RBFOX1: variants seen among roughly 807,000 people sequenced by gnomAD.
The protein encoded by RBFOX1 is RNA binding protein fox-1 homolog 1.
Under a neutral mutation model 57.7 loss-of-function variants are expected in RBFOX1, and 8 were observed. The ratio of observed to expected loss-of-function variants is 0.14; its 90% CI spans 0.08 to 0.25. RBFOX1 has a LOEUF of 0.25. Ranked by LOEUF, RBFOX1 falls within the 10% of genes least tolerant of loss-of-function variation. The pLI, the probability that RBFOX1 is intolerant of heterozygous loss-of-function variation, is 1.00. For missense variants in RBFOX1, 611 were observed against 548.5 expected (o/e 1.11, Z -1.14); for synonymous variants, 326 against 222.4 (o/e 1.47, Z -4.15).
chr16:7,132,627 C>T (rs1600499252), intron 4 of RBFOX1, among the ~76,000 whole-genome samples: 1 of 150,992 alleles, frequency 6.6e-6, no homozygotes, highest in African/African-American at 2.4e-5. Context: ...ACCACACACA[C>T]ACAATGGAAT....
At chr16:7,553,317 A>G (rs766567687) in intron 5 of RBFOX1, among the ~76,000 whole-genome samples, 5 of 151,690 alleles carry the variant, frequency 3.3e-5, no homozygotes, top group Non-Finnish European at 4.4e-5. Flanking sequence ...CTAATTTTTA[A>G]AATTTTCTGT....
At chr16:5,253,969 A>G (rs1243823839) in intron 1 of RBFOX1, among the ~76,000 whole-genome samples, 14 of 143,570 alleles carry the variant, frequency 9.8e-5, no homozygotes, top group Admixed American at 2.8e-4. Flanking sequence ...TCATGACACC[A>G]GGTACCTCTC....
chr16:6,429,306 GCCAGCTCCCCAC>G (rs1264246052), intron 2 of RBFOX1, among the ~76,000 whole-genome samples: 1 of 152,210 alleles, frequency 6.6e-6, no homozygotes, highest in African/African-American at 2.4e-5. Flanking sequence ...TGGGATCTTT[GCCAGCTCCCCAC>G]CACTGCTGCT....
At chr16:6,720,276 T>G (rs148002149) in intron 3 of RBFOX1, among the ~76,000 whole-genome samples, 2 of 152,138 alleles carry the variant, frequency 1.3e-5, no homozygotes, top group Non-Finnish European at 2.9e-5. Context: ...TCTTCCCCCT[T>G]CACTCTTTTT....
chr16:7,659,061 T>C lies in RBFOX1; in HGVS notation c.890+5114T>C, dbSNP rs549489050. On this transcript the variant is annotated intron_variant, in intron 12 of 15. Coordinates refer to ENST00000550418, the MANE Select transcript of RBFOX1 (RefSeq NM_018723.4). Reference sequence around the variant, plus strand: ...TATTATTCTAAGCCTAAGCATCTAGTGTCAGCTGTAGGCTTTTGGTCTTGT... The same window carrying C: ...TATTATTCTAAGCCTAAGCATCTAGCGTCAGCTGTAGGCTTTTGGTCTTGT... 3.9e-5 allele frequency among the ~76,000 whole-genome samples: 6 copies of C among 152,322 alleles called. No homozygotes were observed. In the South Asian group the frequency reaches 1.0e-3, roughly 26 times the overall value.
chr16:7,129,432 T>C (rs954688306), intron 4 of RBFOX1, among the ~76,000 whole-genome samples: 1 of 152,064 alleles, frequency 6.6e-6, no homozygotes, highest in African/African-American at 2.4e-5. Context: ...GAAGAAGTAA[T>C]GGATAGAGAT....
chr16:6,072,411 A>G lies in RBFOX1; in HGVS notation c.-127+52419A>G, dbSNP rs558130882. 2.6e-5 allele frequency among the ~76,000 whole-genome samples: 4 copies of G among 152,334 alleles called. No individual in the cohort carries two copies. In the East Asian group the frequency reaches 5.8e-4, roughly 22 times the overall value. On this transcript the variant is annotated intron_variant, in intron 1 of 15. Transcript: ENST00000550418. ...ATTGTGCTTAATGCTGCAAAAAAAC[A>G]TAGGAGTGCAGATATTTCTTTGCTA...
intron 4 of RBFOX1, among the ~76,000 whole-genome samples, chr16:6,005,850 T>G (rs1182795633): frequency 1.3e-5 from 2 of 152,162 alleles, no homozygotes; most frequent in Non-Finnish European, 2.9e-5. Flanking sequence ...GGTATATGGC[T>G]CAATAGGTGA....
chr16:7,507,699 G>T (rs566262404), intron 4 of RBFOX1, among the ~76,000 whole-genome samples: 2 of 151,682 alleles, frequency 1.3e-5, no homozygotes, highest in South Asian at 4.2e-4. Context: ...AAGTAGCTGG[G>T]ACTACAGGCG....
At chr16:5,640,606 A>G (rs970342484) in intron 3 of RBFOX1, among the ~76,000 whole-genome samples, 3 of 151,842 alleles carry the variant, frequency 2.0e-5, no homozygotes, top group Admixed American at 1.3e-4. Context: ...GGATACACAC[A>G]TGCGCATACA....
chr16:5,907,767 T>A (rs74428258), intron 4 of RBFOX1, among the ~76,000 whole-genome samples: 1,585 of 134,228 alleles, frequency 0.012, 42 homozygotes, highest in African/African-American at 0.055. Flanking sequence ...CATCATCATT[T>A]GAGATGGCAT....
intron 3 of RBFOX1, among the ~76,000 whole-genome samples, chr16:6,839,611 C>G (rs894115740): frequency 3.3e-5 from 5 of 152,138 alleles, no homozygotes; most frequent in African/African-American, 1.2e-4. Context: ...TTTCGGGGAC[C>G]TTGGTAGGTA....
intron 4 of RBFOX1, among the ~76,000 whole-genome samples, chr16:7,512,202 C>T (rs2075278521): frequency 6.6e-6 from 1 of 152,194 alleles, no homozygotes; most frequent in Non-Finnish European, 1.5e-5. Flanking sequence ...TTTTGCCTGT[C>T]ACTGTCCCCT....
intron 1 of RBFOX1, among the ~76,000 whole-genome samples, chr16:6,306,004 T>C (rs2079469259): frequency 6.6e-6 from 1 of 152,076 alleles, no homozygotes. Context: ...AAACATGTGG[T>C]TTCTTTCTAG....
intron 14 of RBFOX1, among the ~76,000 whole-genome samples, chr16:7,699,002 A>G (rs1262330232): frequency 6.6e-6 from 1 of 152,210 alleles, no homozygotes; most frequent in Non-Finnish European, 1.5e-5. Context: ...AAATTCTAGA[A>G]GAATGCACCA....
chr16:6,988,978 C>T (rs1273321664), intron 3 of RBFOX1, among the ~76,000 whole-genome samples: 1 of 151,934 alleles, frequency 6.6e-6, no homozygotes, highest in Non-Finnish European at 1.5e-5. Context: ...GGCTAGGCTG[C>T]TCTTGAACTC....
At chr16:7,548,325 T>A (rs990824344) in intron 5 of RBFOX1, among the ~76,000 whole-genome samples, 18 of 152,062 alleles carry the variant, frequency 1.2e-4, no homozygotes, top group African/African-American at 4.3e-4. Flanking sequence ...TCCGGCTAAT[T>A]TTTGTAGTTT....
chr16:5,752,449 C>T (rs928452516), intron 3 of RBFOX1, among the ~76,000 whole-genome samples: 9 of 152,198 alleles, frequency 5.9e-5, no homozygotes, highest in Non-Finnish European at 1.5e-5. Context: ...TTGCTCCAAA[C>T]ATTCACTATT....
At chr16:5,339,470 G>GTTTGTTTTTTTTTTTTTTTTTTTTT (rs2064982581) in intron 1 of RBFOX1, among the ~76,000 whole-genome samples, 1 of 40,854 alleles carries the variant, frequency 2.4e-5, no homozygotes, top group African/African-American at 8.2e-5. Context: ...CTTTTTCCGT[G>GTTTGTTTTTTTTTTTTTTTTTTTTT]TTTTTTTTTT....
Sources: gnomAD v4.1 joint callset for allele counts (sites outside exome capture counted in the v4.1 genomes callset) on GRCh38, gnomAD v4.1.1 for gene constraint, MANE v1.5 for transcripts, NCBI Gene and HGNC (gene_info 2026-07-23, HGNC 2026-07-21) for gene names.